Variants in LOC122539214 observed in about 807,000 individuals in gnomAD.
At chr19:52,667,282 T>C in the LOC122539214 span, among the ~76,000 whole-genome samples, 3 of 150,754 alleles carry the variant, frequency 2.0e-5, no homozygotes, top group Non-Finnish European at 3.0e-5. Context: ...TGTTATATGG[T>C]AAATTCTTGT....
the LOC122539214 span, among the ~76,000 whole-genome samples, chr19:52,668,258 C>A: frequency 6.6e-6 from 1 of 152,136 alleles, no homozygotes; most frequent in Non-Finnish European, 1.5e-5. Flanking sequence ...ACTGAGACTG[C>A]TGTTCATACA....
At chr19:52,675,295 T>C in the LOC122539214 span, among the ~76,000 whole-genome samples, 1 of 152,244 alleles carries the variant, frequency 6.6e-6, no homozygotes, top group African/African-American at 2.4e-5. Flanking sequence ...GGACAAGACT[T>C]GATCCTAGGC....
the LOC122539214 span, chr19:52,653,951 A>T: frequency 1.6e-6 from 2 of 1,220,388 alleles, no homozygotes; most frequent in Non-Finnish European, 2.4e-6. Flanking sequence ...AATAATGAAG[A>T]ATGGAGAAAG....
the LOC122539214 span, among the ~76,000 whole-genome samples, chr19:52,684,678 G>C: frequency 6.6e-6 from 1 of 152,198 alleles, no homozygotes; most frequent in Non-Finnish European, 1.5e-5. Context: ...GGAGGGCATG[G>C]GAGACAGCTC....
At chr19:52,687,646 TA>T in the LOC122539214 span, among the ~76,000 whole-genome samples, 1 of 40,400 alleles carries the variant, frequency 2.5e-5, no homozygotes, top group African/African-American at 3.6e-4. Context: ...TATATATATA[TA>T]TATATATATA....
chr19:52,660,668 C>T, the LOC122539214 span: 18 of 158,538 alleles, frequency 1.1e-4, no homozygotes, highest in Non-Finnish European at 2.3e-4. Context: ...AAACTTGTGA[C>T]GCAGGACGCT....
chr19:52,653,327 CA>C, the LOC122539214 span: 1 of 1,286,790 alleles, frequency 7.8e-7, no homozygotes, highest in Non-Finnish European at 1.1e-6. Flanking sequence ...GGTTTCTCTC[CA>C]GTATGAACTC....
the LOC122539214 span, among the ~76,000 whole-genome samples, chr19:52,669,028 A>T: frequency 9.2e-5 from 14 of 151,856 alleles, no homozygotes; most frequent in African/African-American, 3.4e-4. Flanking sequence ...ACCTGAAGGG[A>T]TGCAGAGAGC....
chr19:52,677,230 A>G, the LOC122539214 span, among the ~76,000 whole-genome samples: 2 of 151,668 alleles, frequency 1.3e-5, no homozygotes, highest in Admixed American at 1.3e-4. Context: ...CACACCACAA[A>G]GCATGAGTGA....
the LOC122539214 span, among the ~76,000 whole-genome samples, chr19:52,687,556 AAATTT>A: frequency 2.0e-5 from 1 of 50,550 alleles, no homozygotes; most frequent in African/African-American, 9.8e-5. Flanking sequence ...TTATATGTGT[AAATTT>A]TATATATATA....
At chr19:52,665,400 G>A in the LOC122539214 span, among the ~76,000 whole-genome samples, 1 of 150,302 alleles carries the variant, frequency 6.7e-6, no homozygotes. Context: ...TCCCTCCTCC[G>A]TCTCAATAAG....
the LOC122539214 span, chr19:52,653,136 A>G: frequency 2.0e-6 from 3 of 1,470,390 alleles, 1 homozygote; most frequent in South Asian, 2.3e-5. Context: ...TGCCACACTC[A>G]TGACAGTTGT....
chr19:52,681,955 C>A, the LOC122539214 span, among the ~76,000 whole-genome samples: 2 of 152,184 alleles, frequency 1.3e-5, no homozygotes, highest in South Asian at 2.1e-4. Flanking sequence ...CTAAGCAATT[C>A]TCCTGCCTCA....
chr19:52,659,460 T>C, the LOC122539214 span, among the ~76,000 whole-genome samples: 2 of 152,278 alleles, frequency 1.3e-5, no homozygotes, highest in African/African-American at 2.4e-5. Context: ...TTAAGGCTAC[T>C]GGTCGGAAAC....
chr19:52,690,084 G>A, the LOC122539214 span, among the ~76,000 whole-genome samples: 1 of 151,950 alleles, frequency 6.6e-6, no homozygotes, highest in Non-Finnish European at 1.5e-5. Flanking sequence ...TTCAGAGGCC[G>A]ACAAGGGCAA....
chr19:52,669,589 C>A, the LOC122539214 span, among the ~76,000 whole-genome samples: 1 of 152,168 alleles, frequency 6.6e-6, no homozygotes, highest in African/African-American at 2.4e-5. Context: ...AACAACACTG[C>A]GCCCATTGAA....
At chr19:52,671,244 A>T in the LOC122539214 span, among the ~76,000 whole-genome samples, 1 of 152,200 alleles carries the variant, frequency 6.6e-6, no homozygotes, top group Non-Finnish European at 1.5e-5. Flanking sequence ...AATTTGGACA[A>T]GATAAAAAAA....
chr19:52,653,248 T>G, the LOC122539214 span: 9 of 1,526,982 alleles, frequency 5.9e-6, no homozygotes, highest in Non-Finnish European at 8.1e-6. Context: ...CTCTCCAGTA[T>G]GAAGCCTATA....
the LOC122539214 span, among the ~76,000 whole-genome samples, chr19:52,686,330 C>T: frequency 6.6e-6 from 1 of 151,760 alleles, no homozygotes; most frequent in Non-Finnish European, 1.5e-5. Flanking sequence ...GGAACATATA[C>T]ATGTACAGAA....
Sources: allele counts gnomAD v4.1 joint callset (sites outside exome capture counted in the v4.1 genomes callset), GRCh38; gene constraint gnomAD v4.1.1; transcripts MANE v1.5.